Variants in LMX1B observed in about 807,000 individuals in gnomAD.
LMX1B encodes LIM homeobox transcription factor 1 beta.
Under a neutral mutation model 51.4 loss-of-function variants are expected in LMX1B, and 12 were observed. The observed-to-expected ratio is 0.23, with a 90% CI of 0.15 to 0.38. The LOEUF is 0.38. Among genes scored for constraint, LMX1B ranks in the 10% least tolerant of loss-of-function variants. LMX1B has a pLI of 1.00. For missense variants in LMX1B, 445 were observed against 571.1 expected, an observed-to-expected ratio of 0.78 and a Z score of 2.25; for synonymous variants, 237 against 235.4, an observed-to-expected ratio of 1.01 and a Z score of -0.06.
At chr9:126,687,423 T>A (rs1360917481) in intron 2 of LMX1B, among the ~76,000 whole-genome samples, 1 of 151,842 alleles carries the variant, frequency 6.6e-6, no homozygotes, top group Non-Finnish European at 1.5e-5. Context: ...AGAGACGGGG[T>A]TTCACCATGT....
chr9:126,661,475 C>A (rs1034661515), intron 2 of LMX1B, among the ~76,000 whole-genome samples: 1 of 152,148 alleles, frequency 6.6e-6, no homozygotes, highest in Admixed American at 6.5e-5. Flanking sequence ...GAGGCTGAGC[C>A]GAAGCACATG....
Position 126,614,599 on chromosome 9 carries a change from G to A in LMX1B, c.139+11G>A, listed in dbSNP as rs1194828225. 6.3e-7 allele frequency: 1 copy of A among 1,578,006 alleles called. No homozygotes were observed. The highest frequency in any genetic ancestry group is 1.4e-5 in the African/African-American group (1 of 74,006). Reference sequence around the variant, plus strand: ...TGGGGGTGCTGCTGGGTGAGTGCGGGGTCGGAACGCCCGAGTGGTCTCGGG... The same window carrying A: ...TGGGGGTGCTGCTGGGTGAGTGCGGAGTCGGAACGCCCGAGTGGTCTCGGG... On this transcript the variant is annotated intron_variant, in intron 1 of 7. Coordinates refer to ENST00000373474, the MANE Select transcript of LMX1B (RefSeq NM_001174147.2).
At chr9:126,623,298 A>G (rs1357110580) in intron 2 of LMX1B, among the ~76,000 whole-genome samples, 1 of 152,094 alleles carries the variant, frequency 6.6e-6, no homozygotes, top group Non-Finnish European at 1.5e-5. Flanking sequence ...CTACTGAGAC[A>G]CGTAGGTCCC....
At chr9:126,614,992 G>A (rs1835274003) in intron 1 of LMX1B, among the ~76,000 whole-genome samples, 1 of 152,184 alleles carries the variant, frequency 6.6e-6, no homozygotes, top group South Asian at 2.1e-4. Context: ...GGGGAGATCG[G>A]GGATAGAAGA....
chr9:126,624,697 G>A (rs1360503021), intron 2 of LMX1B, among the ~76,000 whole-genome samples: 7 of 151,854 alleles, frequency 4.6e-5, no homozygotes, highest in Admixed American at 2.6e-4. Context: ...GTTTGCAGGG[G>A]GGAAATGTGG....
intron 2 of LMX1B, among the ~76,000 whole-genome samples, chr9:126,667,040 T>G (rs1836353535): frequency 6.6e-6 from 1 of 152,228 alleles, no homozygotes; most frequent in African/African-American, 2.4e-5. Context: ...TTGTTGCTCA[T>G]TGTAAAATAA....
intron 2 of LMX1B, among the ~76,000 whole-genome samples, chr9:126,665,316 C>T (rs958011734): frequency 2.0e-5 from 3 of 152,198 alleles, no homozygotes; most frequent in African/African-American, 4.8e-5. Context: ...AGGGCTGGGG[C>T]GGCGGGGGCG....
At position 126,690,878 on chromosome 9, in the gene LMX1B, C is replaced by G. The variant is rs147293594; in HGVS notation, c.369C>G (p.Ala123=). ...GCAGCGGCTGCATGGAGAAGATCGCCCCCACCGAGTTCGTGATGCGGGCGC... is the reference window on the plus strand; with the variant it reads ...GCAGCGGCTGCATGGAGAAGATCGCGCCCACCGAGTTCGTGATGCGGGCGC... The part of the protein sequence containing the change: ...AKCSGCMEKI[A]PTEFVMRALE... The change falls in exon 3 of 8, where the codon GCC becomes GCG. Residue 123 remains alanine, a synonymous_variant. Coordinates refer to ENST00000373474, the MANE Select transcript of LMX1B (RefSeq NM_001174147.2). The G allele has an allele frequency of 2.5e-6, 4 of 1,613,484 alleles. No homozygotes were observed. In the African/African-American group the frequency reaches 5.3e-5, roughly 22 times the overall value.
chr9:126,614,213 C>A lies in LMX1B; in HGVS notation c.-237C>A, dbSNP rs982498229. ...AGCAGGTGACAGAGGAGCCGGCGCG[C>A]GTGGCTGCAAGTGTCCGGGAGAGCG... On this transcript the variant is annotated 5_prime_UTR_variant, in exon 1 of 8. Transcript: ENST00000373474. 6.8e-6 allele frequency among the ~76,000 whole-genome samples: 1 copy of A among 146,164 alleles called. No homozygotes were observed. The highest frequency in any genetic ancestry group is 2.5e-5 in the African/African-American group (1 of 40,816).
intron 2 of LMX1B, among the ~76,000 whole-genome samples, chr9:126,633,342 T>G (rs1835663247): frequency 1.3e-5 from 2 of 152,216 alleles, no homozygotes; most frequent in Non-Finnish European, 2.9e-5. Flanking sequence ...CCTCCAAGCC[T>G]GGCACAGGGC....
rs2030200763 is a variant in LMX1B, at chr9:126,693,249, C to T, written c.667C>T (p.Arg223Trp). ...GGACCCGCGGAGGCCCAAGCGACCCCGGACCATCCTCACCACGCAGCAGCG... is the reference window on the plus strand; with the variant it reads ...GGACCCGCGGAGGCCCAAGCGACCCTGGACCATCCTCACCACGCAGCAGCG... ...GKDPRRPKRP[R>W]TILTTQQRRA... is the part of the protein sequence containing the mutation. The change falls in exon 4 of 8, where the codon CGG becomes TGG. Residue 223 changes from arginine to tryptophan, a missense_variant. Arg to Trp is a moderately radical substitution (Grantham distance 101). Transcript: ENST00000373474. 1.2e-6 allele frequency: 2 copies of T among 1,611,472 alleles called. No homozygotes were observed. The highest frequency in any genetic ancestry group is 1.7e-5 in the Admixed American group (1 of 59,800).
intron 2 of LMX1B, among the ~76,000 whole-genome samples, chr9:126,631,490 C>A (rs1835636676): frequency 6.6e-6 from 1 of 151,846 alleles, no homozygotes; most frequent in African/African-American, 2.4e-5. Flanking sequence ...TTGAGTTGCT[C>A]AGCTTCCTGG....
chr9:126,671,225 G>A lies in LMX1B; in HGVS notation c.327-19611G>A, dbSNP rs1456516977. On this transcript the variant is annotated intron_variant, in intron 2 of 7. Coordinates refer to ENST00000373474, the MANE Select transcript of LMX1B (RefSeq NM_001174147.2). This position sits in a 1 kb window ranked among gnomAD's most constrained non-coding sequence, Gnocchi z 4.4. ...ACCGCCGAGCTCTGAGCTGGGGGGA[G>A]GGGACCCCGCTCGGAAATCGGTCAT... 6.6e-6 allele frequency among the ~76,000 whole-genome samples: 1 copy of A among 152,216 alleles called. No individual in the cohort carries two copies. Among genetic ancestry groups the A allele is most frequent in the African/African-American group, 2.4e-5 (1 of 41,450 alleles).
Position 126,625,701 on chromosome 9 carries a change from A to G in LMX1B, c.326+10132A>G, listed in dbSNP as rs1588265645. 6.6e-6 allele frequency among the ~76,000 whole-genome samples: 1 copy of G among 151,644 alleles called. No individual in the cohort carries two copies. Among genetic ancestry groups the G allele is most frequent in the South Asian group, 2.1e-4 (1 of 4,772 alleles). ...CCAGGCCCGTGGCGCCTTTCTCGCCACCTCCGCCGCCGCCGCCGCCACCCT... is the reference window on the plus strand; with the variant it reads ...CCAGGCCCGTGGCGCCTTTCTCGCCGCCTCCGCCGCCGCCGCCGCCACCCT... On this transcript the variant is annotated intron_variant, in intron 2 of 7. Transcript: ENST00000373474. This position sits in a 1 kb window ranked among gnomAD's most constrained non-coding sequence, Gnocchi z 5.3.
chr9:126,656,432 TA>T (rs1480429729), intron 2 of LMX1B, among the ~76,000 whole-genome samples: 1 of 151,150 alleles, frequency 6.6e-6, no homozygotes, highest in Non-Finnish European at 1.5e-5. Context: ...GATAGATAGA[TA>T]GATAGGATAG....
chr9:126,665,169 C>T (rs1407512597), intron 2 of LMX1B, among the ~76,000 whole-genome samples: 2 of 152,226 alleles, frequency 1.3e-5, no homozygotes, highest in African/African-American at 4.8e-5. Context: ...GCCTTCGCGC[C>T]TCTCTGGCTT....
At chr9:126,628,902 C>T (rs752774873) in intron 2 of LMX1B, among the ~76,000 whole-genome samples, 29 of 151,600 alleles carry the variant, frequency 1.9e-4, no homozygotes, top group Non-Finnish European at 3.7e-4. Flanking sequence ...ACGCAAATTG[C>T]TTCTGATTAT....
intron 2 of LMX1B, among the ~76,000 whole-genome samples, chr9:126,679,186 G>A (rs1369696766): frequency 2.0e-5 from 3 of 152,218 alleles, no homozygotes; most frequent in Admixed American, 6.5e-5. Context: ...CTACAGAATA[G>A]ACAAATCATA....
intron 2 of LMX1B, among the ~76,000 whole-genome samples, chr9:126,636,204 G>A (rs1268423389): frequency 6.6e-6 from 1 of 152,204 alleles, no homozygotes; most frequent in Non-Finnish European, 1.5e-5. Context: ...ACACAAGGCA[G>A]ACACAGCCCT....
Sources: gnomAD v4.1 joint callset for allele counts (sites outside exome capture counted in the v4.1 genomes callset) on GRCh38, gnomAD v4.1.1 for gene constraint, Gnocchi (gnomAD v3.1) non-coding constraint, MANE v1.5 for transcripts, NCBI Gene and HGNC (gene_info 2026-07-23, HGNC 2026-07-21) for gene names.